TANC2: variants seen among roughly 807,000 people sequenced by gnomAD.
The protein encoded by TANC2 is protein TANC2.
In TANC2, 26 loss-of-function variants were observed where a neutral mutation model predicts 210.5. The observed-to-expected ratio is 0.12, with a 90% confidence interval of 0.09 to 0.17. TANC2 has a LOEUF of 0.17. Among genes scored for constraint, TANC2 ranks in the 10% least tolerant of loss-of-function variants. The pLI, the probability that TANC2 is intolerant of heterozygous loss-of-function variation, is 1.00. For missense variants in TANC2, 2,129 were observed against 2,608.9 expected, an observed-to-expected ratio of 0.82 and a Z score of 4.01; for synonymous variants, 931 against 967.1, an observed-to-expected ratio of 0.96 and a Z score of 0.69.
At chr17:63,070,831 T>A (rs2144629570) in intron 2 of TANC2, among the ~76,000 whole-genome samples, 1 of 152,320 alleles carries the variant, frequency 6.6e-6, no homozygotes, top group East Asian at 1.9e-4. Flanking sequence ...ATAAGGGGTA[T>A]CTTTTTAAAA....
rs372164559 is a variant in TANC2, at chr17:63,304,141, C to T, written c.1160-10247C>T. Among the ~76,000 whole-genome samples the T allele has an allele frequency of 1.6e-4, 25 of 152,174 alleles. 1 individual carries two copies. In the South Asian group the frequency reaches 5.2e-3, roughly 32 times the overall value. The stretch of plus-strand genomic sequence containing the variant: ...CTGCGCCCTTGCAGGAGAGGCGTTG[C>T]GATCATTTGGAGGAGAAGAGGCACT... On this transcript the variant is annotated intron_variant, in intron 9 of 27. Coordinates refer to ENST00000689528, the Ensembl canonical transcript of TANC2.
intron 4 of TANC2, among the ~76,000 whole-genome samples, chr17:63,104,078 T>G (rs2037732557): frequency 6.6e-6 from 1 of 152,110 alleles, no homozygotes; most frequent in Non-Finnish European, 1.5e-5. Flanking sequence ...GTATATCAAT[T>G]AAGATTTTTA....
intron 2 of TANC2, among the ~76,000 whole-genome samples, chr17:63,025,393 C>G (rs2034508165): frequency 6.6e-6 from 1 of 151,994 alleles, no homozygotes; most frequent in Non-Finnish European, 1.5e-5. Context: ...TGGGTAGAAT[C>G]TTTGGAGATG....
chr17:63,265,778 A>G (rs1403626826), intron 8 of TANC2, among the ~76,000 whole-genome samples: 2 of 151,946 alleles, frequency 1.3e-5, no homozygotes, highest in East Asian at 1.9e-4. Flanking sequence ...AAGAGACTAG[A>G]CAGAATGTCT....
chr17:63,103,209 C>T (rs1170317739), intron 4 of TANC2, among the ~76,000 whole-genome samples: 4 of 152,102 alleles, frequency 2.6e-5, no homozygotes, highest in African/African-American at 9.7e-5. Context: ...AAGGAGTATC[C>T]TTTTCCTATC....
chr17:63,299,721 A>G (rs2044650005), intron 9 of TANC2, among the ~76,000 whole-genome samples: 2 of 151,982 alleles, frequency 1.3e-5, no homozygotes, highest in South Asian at 4.1e-4. Context: ...AGTTTCTCCC[A>G]TTCTGTAGAT....
intron 3 of TANC2, among the ~76,000 whole-genome samples, chr17:63,084,897 G>T (rs1351203109): frequency 6.6e-6 from 1 of 152,092 alleles, no homozygotes; most frequent in African/African-American, 2.4e-5. Flanking sequence ...TGCCCAGAAT[G>T]TGTTCACTTG....
At chr17:63,283,831 T>A (rs1414997770) in intron 9 of TANC2, among the ~76,000 whole-genome samples, 7 of 152,052 alleles carry the variant, frequency 4.6e-5, no homozygotes, top group Admixed American at 4.6e-4. Flanking sequence ...ATGTTGCTCT[T>A]GTATCCTAAA....
chr17:63,399,024 C>CT, intron 19 of TANC2, 110 bp downstream of exon 19: 1 of 719,824 alleles, frequency 1.4e-6, no homozygotes. Context: ...CTGTCTCAGG[C>CT]TTTTGTAATG....
intron 8 of TANC2, among the ~76,000 whole-genome samples, chr17:63,260,575 A>T (rs1385243142): frequency 2.0e-5 from 3 of 151,848 alleles, no homozygotes. Context: ...CTTTGAGCTC[A>T]AGAGTTCAAG....
At chr17:63,399,203 A>G (rs530012702) in intron 19 of TANC2, 2 of 193,298 alleles carry the variant, frequency 1.0e-5, no homozygotes, top group African/African-American at 2.3e-5. Flanking sequence ...CAATGTGCCA[A>G]ACCAGAGCAG....
exon 28 of TANC2, chr17:63,423,519 G>C (rs1668565512): frequency 6.6e-6 from 1 of 152,216 alleles, no homozygotes; most frequent in Non-Finnish European, 1.5e-5. Context: ...GTTCTCTGTT[G>C]TTAGGAATCA....
intron 19 of TANC2, among the ~76,000 whole-genome samples, chr17:63,400,602 A>G (rs2048312180): frequency 6.6e-6 from 1 of 152,046 alleles, no homozygotes; most frequent in Non-Finnish European, 1.5e-5. Context: ...ATGAAGAGCT[A>G]CTTAAACATG....
chr17:63,138,570 C>T (rs1051292820), intron 4 of TANC2, among the ~76,000 whole-genome samples: 1 of 152,132 alleles, frequency 6.6e-6, no homozygotes, highest in Non-Finnish European at 1.5e-5. Flanking sequence ...CCTGTCCCTT[C>T]TTGTCAATCT....
intron 15 of TANC2, among the ~76,000 whole-genome samples, chr17:63,386,956 G>A (rs987417541): frequency 1.1e-4 from 16 of 151,868 alleles, no homozygotes; most frequent in Admixed American, 9.8e-4. Context: ...GGGCTCAAGC[G>A]ATCCTCCCAC....
chr17:63,353,097 C>G (rs2046668061), intron 13 of TANC2, among the ~76,000 whole-genome samples: 1 of 152,076 alleles, frequency 6.6e-6, no homozygotes, highest in Non-Finnish European at 1.5e-5. Flanking sequence ...AGATTTCTGT[C>G]AACTGGCCGT....
At chr17:63,262,049 G>A (rs1443095699) in intron 8 of TANC2, among the ~76,000 whole-genome samples, 2 of 152,044 alleles carry the variant, frequency 1.3e-5, no homozygotes, top group East Asian at 1.9e-4. Context: ...ATCAAAACTT[G>A]TATTTATAAA....
intron 5 of TANC2, among the ~76,000 whole-genome samples, chr17:63,170,888 T>G (rs2040381253): frequency 6.6e-6 from 1 of 152,140 alleles, no homozygotes; most frequent in South Asian, 2.1e-4. Flanking sequence ...TGCATCAAAA[T>G]TTTGACAAGT....
chr17:63,272,724 A>T (rs2043750562), intron 9 of TANC2, among the ~76,000 whole-genome samples: 1 of 152,106 alleles, frequency 6.6e-6, no homozygotes, highest in Admixed American at 6.6e-5. Flanking sequence ...TTTTTTAATC[A>T]CAATTCTGGT....
Sources: allele counts gnomAD v4.1 joint callset (sites outside exome capture counted in the v4.1 genomes callset), GRCh38; gene constraint gnomAD v4.1.1; transcripts MANE v1.5; gene names NCBI Gene and HGNC (gene_info 2026-07-23, HGNC 2026-07-21).